The following FHIT variants were observed in gnomAD, a reference collection of about 807,000 sequenced individuals.
FHIT encodes bis(5'-adenosyl)-triphosphatase.
Under a neutral mutation model 17.9 loss-of-function variants are expected in FHIT, and 19 were observed. The ratio of observed to expected loss-of-function variants is 1.06; its 90% CI spans 0.74 to 1.56. FHIT has a LOEUF of 1.56. Ranked by LOEUF, FHIT falls within the 40% of genes most tolerant of loss-of-function variation. The pLI is 0.00. For synonymous variants in FHIT, 81 were observed against 69.7 expected, an observed-to-expected ratio of 1.16 and a Z score of -0.81; for missense variants, 248 against 189.2, an observed-to-expected ratio of 1.31 and a Z score of -1.82.
At chr3:60,468,108 C>T (rs1457949022) in intron 5 of FHIT, among the ~76,000 whole-genome samples, 2 of 152,048 alleles carry the variant, frequency 1.3e-5, no homozygotes, top group Non-Finnish European at 1.5e-5. Flanking sequence ...AGCATAGCTC[C>T]TCCTGCTCTT....
intron 7 of FHIT, among the ~76,000 whole-genome samples, chr3:59,966,834 T>G (rs1459465626): frequency 6.6e-6 from 1 of 152,112 alleles, no homozygotes; most frequent in Non-Finnish European, 1.5e-5. Flanking sequence ...ACTGTATACT[T>G]AGGCTATACT....
intron 8 of FHIT, among the ~76,000 whole-genome samples, chr3:59,919,362 T>TA (rs778520855): frequency 1.0e-3 from 158 of 152,326 alleles, no homozygotes; most frequent in Non-Finnish European, 1.9e-3. Context: ...TGCCACTTTG[T>TA]AGTCCGATAC....
At chr3:60,408,374 C>A (rs561822258) in intron 5 of FHIT, among the ~76,000 whole-genome samples, 1 of 152,192 alleles carries the variant, frequency 6.6e-6, no homozygotes, top group Non-Finnish European at 1.5e-5. Flanking sequence ...TATGTCTATC[C>A]GGCATCCACT....
intron 2 of FHIT, among the ~76,000 whole-genome samples, chr3:61,176,136 G>A (rs999183721): frequency 2.6e-5 from 4 of 152,200 alleles, no homozygotes; most frequent in African/African-American, 7.2e-5. Context: ...TCTGGGTTGT[G>A]GGGCATCCCA....
intron 4 of FHIT, among the ~76,000 whole-genome samples, chr3:60,714,090 C>T (rs187744428): frequency 1.3e-4 from 20 of 152,350 alleles, no homozygotes; most frequent in African/African-American, 4.6e-4. Context: ...CCACCATGAG[C>T]AGGTGGGCTT....
intron 5 of FHIT, among the ~76,000 whole-genome samples, chr3:60,224,742 A>ATTTTAT (rs869200541): frequency 1.3e-5 from 2 of 150,200 alleles, no homozygotes; most frequent in Non-Finnish European, 3.0e-5. Flanking sequence ...ATTTTATTTT[A>ATTTTAT]TTTGACAGGG....
chr3:61,127,108 ATC>A (rs2036628555), intron 2 of FHIT, among the ~76,000 whole-genome samples: 1 of 152,166 alleles, frequency 6.6e-6, no homozygotes, highest in Non-Finnish European at 1.5e-5. Flanking sequence ...CCAAGGAGGG[ATC>A]TCTCCCCAAC....
intron 5 of FHIT, among the ~76,000 whole-genome samples, chr3:60,022,628 A>G (rs1168165913): frequency 3.3e-5 from 5 of 152,108 alleles, no homozygotes; most frequent in Non-Finnish European, 7.4e-5. Flanking sequence ...AATAGGTTTT[A>G]CCTCTTTTGC....
chr3:61,020,628 G>C (rs7645767), intron 3 of FHIT, among the ~76,000 whole-genome samples: 41,059 of 152,048 alleles, frequency 0.27, 6,451 homozygotes, highest in African/African-American at 0.43. Flanking sequence ...GGAAAAATAA[G>C]TAGCTAGCAT....
intron 5 of FHIT, among the ~76,000 whole-genome samples, chr3:60,525,206 T>C (rs1259400020): frequency 6.6e-6 from 1 of 152,230 alleles, no homozygotes; most frequent in African/African-American, 2.4e-5. Flanking sequence ...ATTGATACTT[T>C]GTTGGCTTAA....
At chr3:59,970,426 T>C (rs888937708) in intron 7 of FHIT, among the ~76,000 whole-genome samples, 1 of 152,146 alleles carries the variant, frequency 6.6e-6, no homozygotes, top group Non-Finnish European at 1.5e-5. Context: ...TGTTGCTTAC[T>C]ATTGTCAGTA....
chr3:61,248,428 A>G (rs576455969), intron 1 of FHIT, among the ~76,000 whole-genome samples: 7 of 152,346 alleles, frequency 4.6e-5, no homozygotes, highest in Admixed American at 4.6e-4. Context: ...CATCTTTCAG[A>G]AGAGACCAGA....
chr3:59,875,938 T>TA (rs200571248), intron 8 of FHIT, among the ~76,000 whole-genome samples: 7 of 129,388 alleles, frequency 5.4e-5, no homozygotes, highest in South Asian at 2.5e-4. Context: ...GTCTGTTTGA[T>TA]AAAAAAAGAA....
intron 4 of FHIT, among the ~76,000 whole-genome samples, chr3:60,786,106 C>G (rs1290952011): frequency 1.3e-5 from 2 of 152,086 alleles, no homozygotes; most frequent in African/African-American, 2.4e-5. Flanking sequence ...TTTTTAAAAG[C>G]CTAATTTTTA....
chr3:60,599,027 T>C (rs1160025269), intron 4 of FHIT, among the ~76,000 whole-genome samples: 1 of 152,152 alleles, frequency 6.6e-6, no homozygotes, highest in Non-Finnish European at 1.5e-5. Flanking sequence ...TCTGTTAAAA[T>C]GTATTAATGT....
intron 8 of FHIT, among the ~76,000 whole-genome samples, chr3:59,762,032 T>C (rs1701544534): frequency 1.3e-5 from 2 of 152,262 alleles, no homozygotes; most frequent in South Asian, 2.1e-4. Context: ...GGGCTGTTAT[T>C]AAGGAAAATG....
intron 2 of FHIT, among the ~76,000 whole-genome samples, chr3:61,156,902 T>C (rs1306177488): frequency 6.6e-6 from 1 of 152,148 alleles, no homozygotes; most frequent in African/African-American, 2.4e-5. Context: ...CTCTAGAGAT[T>C]CTCCTGCAAA....
intron 5 of FHIT, among the ~76,000 whole-genome samples, chr3:60,129,976 C>T (rs1388728965): frequency 4.6e-5 from 7 of 152,078 alleles, no homozygotes; most frequent in Non-Finnish European, 1.0e-4. Flanking sequence ...TTAGGATTAT[C>T]TCTCTCTTTC....
intron 5 of FHIT, among the ~76,000 whole-genome samples, chr3:60,170,184 T>C (rs964842171): frequency 3.3e-5 from 5 of 152,178 alleles, no homozygotes; most frequent in African/African-American, 4.8e-5. Context: ...GTGGCTTTCT[T>C]GACAGCAGGT....
Sources: gnomAD v4.1 joint callset for allele counts (sites outside exome capture counted in the v4.1 genomes callset) on GRCh38, gnomAD v4.1.1 for gene constraint, MANE v1.5 for transcripts, NCBI Gene and HGNC (gene_info 2026-07-23, HGNC 2026-07-21) for gene names.